KCNIP4: variants seen among roughly 807,000 people sequenced by gnomAD.
KCNIP4 encodes Kv channel-interacting protein 4.
In KCNIP4, 12 loss-of-function variants were observed where a neutral mutation model predicts 34.0. That is an observed-to-expected ratio of 0.35 (90% CI 0.23 to 0.57). The LOEUF is 0.57. KCNIP4 is among the 20% of genes least tolerant of loss of function. KCNIP4 has a pLI of 0.83. For synonymous variants in KCNIP4, 124 were observed against 102.2 expected, an observed-to-expected ratio of 1.21 and a Z score of -1.29; for missense variants, 238 against 311.7, an observed-to-expected ratio of 0.76 and a Z score of 1.78.
chr4:21,738,104 TA>T (rs1362146838), intron 1 of KCNIP4, among the ~76,000 whole-genome samples: 1 of 87,322 alleles, frequency 1.1e-5, no homozygotes, highest in African/African-American at 7.4e-5. Flanking sequence ...AATAAATAAA[TA>T]AATAAATAAA....
At chr4:21,057,638 G>A (rs1277682245) in intron 1 of KCNIP4, among the ~76,000 whole-genome samples, 1 of 152,118 alleles carries the variant, frequency 6.6e-6, no homozygotes, top group African/African-American at 2.4e-5. Context: ...GGTTGAAATT[G>A]ACTTTAAATT....
chr4:21,247,759 T>TATATATATATATATATACAC lies in KCNIP4; in HGVS notation c.62-365051_62-365050insGTGTATATATATATATATAT, dbSNP rs1366204923. ...GGATATATATATATATATATATATATACACCCCACAGGTGTTTTTTATATA... is the reference window on the plus strand; with the variant it reads ...GGATATATATATATATATATATATATATATATATATATATATACACACACCCCACAGGTGTTTTTTATATA... On this transcript the variant is annotated intron_variant, in intron 1 of 8. Coordinates refer to ENST00000382152, the MANE Select transcript of KCNIP4 (RefSeq NM_025221.6). 3.7e-3 allele frequency among the ~76,000 whole-genome samples: 442 copies of TATATATATATATATATACAC among 119,946 alleles called. 12 individuals are homozygous for TATATATATATATATATACAC. The highest frequency in any genetic ancestry group is 5.4e-3 in the South Asian group (21 of 3,880). 78.7% of individuals were successfully genotyped at this position (119,946 alleles called of 152,430 possible).
intron 1 of KCNIP4, among the ~76,000 whole-genome samples, chr4:21,296,566 A>G (rs1019951260): frequency 4.0e-5 from 6 of 151,770 alleles, no homozygotes; most frequent in African/African-American, 1.2e-4. Flanking sequence ...ATTCCAATTT[A>G]GTAGACAAAG....
At chr4:20,989,934 G>T (rs1018303529) in intron 1 of KCNIP4, among the ~76,000 whole-genome samples, 10 of 152,120 alleles carry the variant, frequency 6.6e-5, no homozygotes, top group African/African-American at 2.4e-4. Flanking sequence ...TCCAGCCTGG[G>T]CAACAGAATG....
intron 1 of KCNIP4, chr4:21,850,663 C>T (rs545945142): frequency 6.6e-6 from 1 of 152,172 alleles, no homozygotes; most frequent in Non-Finnish European, 1.5e-5. Flanking sequence ...ACAAAAAAAG[C>T]TCATTTAATT....
chr4:21,873,942 C>T (rs1725952050), intron 1 of KCNIP4, among the ~76,000 whole-genome samples: 2 of 152,186 alleles, frequency 1.3e-5, no homozygotes, highest in African/African-American at 2.4e-5. Flanking sequence ...TGAAATTCTA[C>T]CTCCCCATGC....
At chr4:21,353,444 A>G (rs1442367325) in intron 1 of KCNIP4, among the ~76,000 whole-genome samples, 1 of 152,190 alleles carries the variant, frequency 6.6e-6, no homozygotes, top group Non-Finnish European at 1.5e-5. Context: ...AGTGTAGAGA[A>G]GACCTTAAAT....
intron 1 of KCNIP4, among the ~76,000 whole-genome samples, chr4:21,263,266 T>A (rs1448919033): frequency 6.6e-6 from 1 of 152,212 alleles, no homozygotes; most frequent in Non-Finnish European, 1.5e-5. Context: ...AACAGCTTTG[T>A]GAGGAAGATA....
chr4:20,827,011 G>A (rs1717847066), intron 3 of KCNIP4, among the ~76,000 whole-genome samples: 1 of 152,118 alleles, frequency 6.6e-6, no homozygotes, highest in African/African-American at 2.4e-5. Flanking sequence ...ATCAAGAGGT[G>A]GGATTTGTTT....
At chr4:21,517,985 C>T (rs1460824820) in intron 1 of KCNIP4, among the ~76,000 whole-genome samples, 1 of 152,150 alleles carries the variant, frequency 6.6e-6, no homozygotes. Context: ...TTCTTCCCAT[C>T]TCACACACAG....
chr4:21,383,357 A>C (rs1204542158), intron 1 of KCNIP4, among the ~76,000 whole-genome samples: 1 of 152,076 alleles, frequency 6.6e-6, no homozygotes, highest in African/African-American at 2.4e-5. Context: ...AACAGAGATA[A>C]AGGTGCAAAA....
intron 1 of KCNIP4, among the ~76,000 whole-genome samples, chr4:21,388,866 A>T (rs895505578): frequency 1.3e-5 from 2 of 152,170 alleles, no homozygotes; most frequent in African/African-American, 4.8e-5. Context: ...TTCATTGTAT[A>T]CATGTAATAT....
intron 1 of KCNIP4, among the ~76,000 whole-genome samples, chr4:21,891,447 C>T (rs548582622): frequency 3.9e-4 from 59 of 152,092 alleles, no homozygotes; most frequent in African/African-American, 1.1e-3. Context: ...CCCTAAGAAA[C>T]GAGTCAGCGA....
chr4:21,134,943 T>C (rs2109186670), intron 1 of KCNIP4, among the ~76,000 whole-genome samples: 1 of 152,318 alleles, frequency 6.6e-6, no homozygotes, highest in Admixed American at 6.5e-5. Flanking sequence ...TGGCCCATGC[T>C]GATGGCACCA....
At chr4:21,122,948 T>C (rs7674015) in intron 1 of KCNIP4, among the ~76,000 whole-genome samples, 5,535 of 152,236 alleles carry the variant, frequency 0.036, 125 homozygotes, top group Non-Finnish European at 0.048. Context: ...CGGTGGCTCA[T>C]GCCTGTAATC....
intron 1 of KCNIP4, among the ~76,000 whole-genome samples, chr4:21,082,028 G>C (rs1024089184): frequency 1.3e-5 from 2 of 151,878 alleles, no homozygotes; most frequent in Non-Finnish European, 2.9e-5. Context: ...GCTAATTGCT[G>C]ATGATTTCGC....
chr4:21,716,922 C>T lies in KCNIP4; in HGVS notation c.61+231649G>A, dbSNP rs1345293707. On this transcript the variant is annotated intron_variant, in intron 1 of 8. Transcript: ENST00000382152. ...CCACTTCTCTCCATACCCAGGTAGA[C>T]GGAAAGAATCAAGTTCTCATGCTGG... Among the ~76,000 whole-genome samples, 5 of 152,134 alleles carry T rather than the reference C, an allele frequency of 3.3e-5. No homozygotes were observed. In the South Asian group the frequency reaches 6.2e-4, roughly 19 times the overall value.
Position 21,691,760 on chromosome 4 carries a change from C to T in KCNIP4, c.61+256811G>A, listed in dbSNP as rs546904054. 1.2e-4 allele frequency among the ~76,000 whole-genome samples: 16 copies of T among 136,202 alleles called. No homozygotes were observed. In the South Asian group the frequency reaches 1.6e-3, roughly 14 times the overall value. The allele number at this position is 136,202 out of a possible 152,430, so 89.4% of individuals were successfully genotyped here. ...TGTTGCCCAGGCTGGAGTGCAATGG[C>T]GCCATCTTGGCCACTGCAACCTCCG... On this transcript the variant is annotated intron_variant, in intron 1 of 8. Coordinates refer to ENST00000382152, the MANE Select transcript of KCNIP4 (RefSeq NM_025221.6).
intron 1 of KCNIP4, among the ~76,000 whole-genome samples, chr4:21,421,582 C>G (rs1725456132): frequency 6.6e-6 from 1 of 152,064 alleles, no homozygotes; most frequent in African/African-American, 2.4e-5. Context: ...TGAACTCACA[C>G]AAGAAAACTG....
Sources: allele counts gnomAD v4.1 joint callset (sites outside exome capture counted in the v4.1 genomes callset), GRCh38; gene constraint gnomAD v4.1.1; transcripts MANE v1.5; gene names NCBI Gene and HGNC (gene_info 2026-07-23, HGNC 2026-07-21).